The following DAB1 variants were observed in gnomAD, a reference collection of about 807,000 sequenced individuals.
The protein encoded by DAB1 is disabled homolog 1.
DAB1 carries 15 observed loss-of-function variants against 64.6 expected under a neutral mutation model. The ratio of observed to expected loss-of-function variants is 0.23; its 90% CI spans 0.16 to 0.36. The LOEUF (loss-of-function observed/expected upper bound fraction) is 0.36. Among genes scored for constraint, DAB1 ranks in the 10% least tolerant of loss-of-function variants. DAB1 has a pLI of 1.00. For synonymous variants in DAB1, 235 were observed against 251.9 expected (o/e 0.93, Z 0.64); for missense variants, 596 against 706.7 (o/e 0.84, Z 1.78).
chr1:58,001,937 G>T lies in DAB1; in HGVS notation n.388-117775C>A, dbSNP rs551658034. 5.3e-5 allele frequency among the ~76,000 whole-genome samples: 8 copies of T among 152,264 alleles called. No homozygotes were observed. The South Asian group carries it at 1.7e-3, about 32-fold the overall frequency. On this transcript the variant is annotated intron_variant and non_coding_transcript_variant, in intron 5 of 20. Coordinates refer to the DAB1 transcript ENST00000485760. Reference sequence around the variant, plus strand: ...GATTTCACACATACAGAAAGGAAAAGGTGGTATAAAGATGTAGGCAGAGGT... The same window carrying T: ...GATTTCACACATACAGAAAGGAAAATGTGGTATAAAGATGTAGGCAGAGGT...
intron 6 of DAB1, among the ~76,000 whole-genome samples, chr1:57,718,963 G>GA (rs59054861): frequency 8.9e-4 from 127 of 142,438 alleles, no homozygotes; most frequent in Middle Eastern, 3.6e-3. Flanking sequence ...CCAGTAAAAG[G>GA]AAAAAAAAAA....
At chr1:58,317,388 T>C (rs1457768470) in intron 4 of DAB1, among the ~76,000 whole-genome samples, 1 of 152,128 alleles carries the variant, frequency 6.6e-6, no homozygotes, top group African/African-American at 2.4e-5. Flanking sequence ...ACAGGGAGCT[T>C]GAAAAAGGGA....
At chr1:58,240,024 G>A (rs188381615) in intron 4 of DAB1, among the ~76,000 whole-genome samples, 10 of 152,292 alleles carry the variant, frequency 6.6e-5, no homozygotes, top group African/African-American at 2.2e-4. Flanking sequence ...AACAGTAGGA[G>A]GTGGAGTGCA....
intron 4 of DAB1, among the ~76,000 whole-genome samples, chr1:58,163,579 C>A (rs1345875767): frequency 6.6e-6 from 1 of 152,146 alleles, no homozygotes; most frequent in East Asian, 1.9e-4. Context: ...GAATCTGGTG[C>A]CTGCTTGCCT....
At chr1:58,368,076 T>C (rs925916906) in intron 3 of DAB1, among the ~76,000 whole-genome samples, 1 of 152,162 alleles carries the variant, frequency 6.6e-6, no homozygotes, top group Non-Finnish European at 1.5e-5. Context: ...GTGACACACT[T>C]GGGGAACTTT....
At chr1:57,900,207 C>T (rs1644453380) in intron 5 of DAB1, among the ~76,000 whole-genome samples, 3 of 152,090 alleles carry the variant, frequency 2.0e-5, no homozygotes, top group African/African-American at 7.2e-5. Context: ...TACAGTCTCA[C>T]GGCATTGCTA....
intron 5 of DAB1, among the ~76,000 whole-genome samples, chr1:58,006,888 A>C (rs2100419114): frequency 6.6e-6 from 1 of 152,282 alleles, no homozygotes; most frequent in African/African-American, 2.4e-5. Flanking sequence ...CACAAATTGG[A>C]GTCTTAAATC....
chr1:57,489,522 C>T lies in DAB1; in HGVS notation n.625+160070G>A, dbSNP rs77087933. ...CCTCCAGGCTGACTCCGTTTCTTCT[C>T]ACCATGCTCACAAAGCCTCCCTCAA... On this transcript the variant is annotated intron_variant and non_coding_transcript_variant, in intron 7 of 20. Transcript: ENST00000485760. Among the ~76,000 whole-genome samples the T allele has an allele frequency of 5.7e-3, 874 of 152,298 alleles. 46 individuals carry two copies. The East Asian group carries it at 0.14, about 24-fold the overall frequency.
intron 7 of DAB1, among the ~76,000 whole-genome samples, chr1:57,603,886 G>A (rs1013253062): frequency 6.6e-6 from 1 of 152,172 alleles, no homozygotes; most frequent in African/African-American, 2.4e-5. Context: ...AGCCACATTT[G>A]CATATTCATC....
chr1:57,597,697 T>C (rs908964010), intron 7 of DAB1, among the ~76,000 whole-genome samples: 2 of 152,228 alleles, frequency 1.3e-5, no homozygotes, highest in Non-Finnish European at 2.9e-5. Flanking sequence ...CATGATCTCA[T>C]TGGGTCCTCA....
At chr1:58,169,342 T>C (rs982736360) in intron 4 of DAB1, among the ~76,000 whole-genome samples, 9 of 152,132 alleles carry the variant, frequency 5.9e-5, no homozygotes, top group African/African-American at 1.9e-4. Context: ...CCAGGGACCA[T>C]TGTGGGTTCT....
intron 7 of DAB1, among the ~76,000 whole-genome samples, chr1:57,474,414 AC>A (rs1643909515): frequency 6.6e-6 from 1 of 152,200 alleles, no homozygotes; most frequent in Admixed American, 6.5e-5. Context: ...TGAAAAATAA[AC>A]CAAATATTAT....
Position 58,131,327 on chromosome 1 carries a change from C to G in DAB1, n.387+19184G>C, listed in dbSNP as rs1400647308. 1.3e-4 allele frequency among the ~76,000 whole-genome samples: 18 copies of G among 140,412 alleles called. 1 individual carries two copies. The highest frequency in any genetic ancestry group is 4.0e-4 in the African/African-American group (16 of 39,618). The allele number at this position is 140,412 out of a possible 152,430, so 92.1% of individuals were successfully genotyped here. A position where few individuals can be genotyped will look rare whatever the true frequency, so the allele number is the denominator to read the frequency against. ...GCTCCATCAGCTCCTTTAAGCACTTCTCTCTATTGGTTATTCTAGTTATAC... is the reference window on the plus strand; with the variant it reads ...GCTCCATCAGCTCCTTTAAGCACTTGTCTCTATTGGTTATTCTAGTTATAC... On this transcript the variant is annotated intron_variant and non_coding_transcript_variant, in intron 5 of 20. Transcript: ENST00000485760.
At chr1:57,172,646 T>C (rs974409805) in intron 2 of DAB1, among the ~76,000 whole-genome samples, 55 of 152,022 alleles carry the variant, frequency 3.6e-4, no homozygotes, top group African/African-American at 1.3e-3. Context: ...TGTTCAGAGA[T>C]CACATGATGA....
intron 2 of DAB1, among the ~76,000 whole-genome samples, chr1:57,207,039 G>C (rs912814519): frequency 6.5e-5 from 9 of 138,102 alleles, no homozygotes; most frequent in African/African-American, 2.5e-4. Context: ...CGCAGTCTCG[G>C]CTCACTGCAA....
intron 4 of DAB1, among the ~76,000 whole-genome samples, chr1:58,222,678 T>G (rs973915770): frequency 1.3e-5 from 2 of 152,230 alleles, no homozygotes; most frequent in Non-Finnish European, 2.9e-5. Context: ...CAGAGCCTAA[T>G]GCAGAGTCTA....
Position 57,912,545 on chromosome 1 carries a change from C to T in DAB1, n.388-28383G>A, listed in dbSNP as rs549097736. ...TGAAAACTGGCACAAGACAGGGATG[C>T]CCTCTCTCACCACTCCTATTCAACA... On this transcript the variant is annotated intron_variant and non_coding_transcript_variant, in intron 5 of 20. Coordinates refer to the DAB1 transcript ENST00000485760. Among the ~76,000 whole-genome samples, 688 of 152,228 alleles carry T rather than the reference C, an allele frequency of 4.5e-3. 11 individuals carry two copies. The highest frequency in any genetic ancestry group is 0.016 in the African/African-American group (664 of 41,528).
At chr1:57,869,581 G>A (rs1210760339) in intron 1 of DAB1, among the ~76,000 whole-genome samples, 2 of 152,038 alleles carry the variant, frequency 1.3e-5, no homozygotes, top group African/African-American at 2.4e-5. Flanking sequence ...GTCCACAGCC[G>A]CACAAGGTAA....
chr1:57,007,603 G>T (rs1356537749), intron 14 of DAB1, among the ~76,000 whole-genome samples: 2 of 152,198 alleles, frequency 1.3e-5, no homozygotes, highest in Admixed American at 1.3e-4. Flanking sequence ...CCACCTGTGG[G>T]GATTGAGTCC....
Sources: allele counts gnomAD v4.1 joint callset (sites outside exome capture counted in the v4.1 genomes callset), GRCh38; gene constraint gnomAD v4.1.1; transcripts MANE v1.5; gene names NCBI Gene and HGNC (gene_info 2026-07-23, HGNC 2026-07-21).